Variants in ZNF708 observed in about 807,000 individuals in gnomAD.
ZNF708 encodes the protein zinc finger protein 708, also known as ZNF15, ZNF15L1.
In ZNF708, 44 loss-of-function variants were observed where a neutral mutation model predicts 47.0. That is an observed-to-expected ratio of 0.94 (90% CI 0.74 to 1.20). The LOEUF is 1.20. ZNF708 is among the 50% of genes most tolerant of loss of function. ZNF708 has a pLI of 0.00. For missense variants in ZNF708, 557 were observed against 656.0 expected, an observed-to-expected ratio of 0.85 and a Z score of 1.65; for synonymous variants, 184 against 218.5, an observed-to-expected ratio of 0.84 and a Z score of 1.39.
intron 1 of ZNF708, among the ~76,000 whole-genome samples, chr19:21,313,691 G>C (rs1028718479): frequency 6.6e-6 from 1 of 151,350 alleles, no homozygotes; most frequent in African/African-American, 2.4e-5. Context: ...CCGGGAGGTG[G>C]AGGTTGCAGT....
At chr19:21,306,475 AG>A (rs2145163557) in intron 3 of ZNF708, among the ~76,000 whole-genome samples, 1 of 152,136 alleles carries the variant, frequency 6.6e-6, no homozygotes, top group African/African-American at 2.4e-5. Context: ...TGAAAAGAAA[AG>A]CAAAATTAAT....
chr19:21,307,073 A>AATAAAATAAAAT (rs1170213793), intron 3 of ZNF708: 5 of 146,624 alleles, frequency 3.4e-5, no homozygotes, highest in African/African-American at 1.2e-4. Flanking sequence ...TAAAATATAA[A>AATAAAATAAAAT]ATAAAATAAA....
chr19:21,299,788 A>AG (rs1256379736), intron 3 of ZNF708, among the ~76,000 whole-genome samples: 1 of 151,956 alleles, frequency 6.6e-6, no homozygotes, highest in Admixed American at 6.6e-5. Flanking sequence ...AAAAAAAAAA[A>AG]ATTGTTTTTT....
chr19:21,299,568 T>C (rs1482961912), intron 3 of ZNF708, among the ~76,000 whole-genome samples: 1 of 151,878 alleles, frequency 6.6e-6, no homozygotes, highest in Admixed American at 6.6e-5. Context: ...CTGGCCAACA[T>C]GGTGAAACCC....
At chr19:21,311,838 A>G (rs1159500740) in intron 1 of ZNF708, among the ~76,000 whole-genome samples, 1 of 152,192 alleles carries the variant, frequency 6.6e-6, no homozygotes, top group African/African-American at 2.4e-5. Context: ...CTGCTACAGT[A>G]ATAAAAATAT....
chr19:21,303,798 C>A (rs1398375824), intron 3 of ZNF708, among the ~76,000 whole-genome samples: 1 of 151,730 alleles, frequency 6.6e-6, no homozygotes, highest in African/African-American at 2.4e-5. Context: ...TAGTCAAGTA[C>A]TAGCATGAGA....
intron 3 of ZNF708, among the ~76,000 whole-genome samples, chr19:21,298,844 T>C (rs1972596926): frequency 6.6e-6 from 1 of 152,178 alleles, no homozygotes; most frequent in Non-Finnish European, 1.5e-5. Flanking sequence ...ATTTAGTAAA[T>C]ATAATTTGAA....
chr19:21,326,068 T>G (rs963850548), intron 1 of ZNF708, among the ~76,000 whole-genome samples: 2 of 152,182 alleles, frequency 1.3e-5, no homozygotes, highest in African/African-American at 4.8e-5. Flanking sequence ...AAACAGTAGA[T>G]GTTGGCATGG....
Position 21,294,153 on chromosome 19 carries a change from CTTA to C in ZNF708, c.810_812del (p.His270_Lys271delinsGln). ...AGGGTTTCTCTCCAGTATGAACTAT[CTTA>C]TGTTTAGTAAGGTTTGAGGACCGGT... On this transcript the variant is annotated inframe_deletion, in exon 4 of 4. Transcript: ENST00000356929. 1.9e-6 allele frequency: 3 copies of C among 1,612,336 alleles called. No individual in the cohort carries two copies. Among genetic ancestry groups the C allele is most frequent in the Non-Finnish European group, 2.5e-6 (3 of 1,179,564 alleles).
At chr19:21,305,428 T>G (rs559085734) in intron 3 of ZNF708, among the ~76,000 whole-genome samples, 1 of 151,940 alleles carries the variant, frequency 6.6e-6, no homozygotes, top group Non-Finnish European at 1.5e-5. Flanking sequence ...TCACACAGTT[T>G]TTTACAGAAA....
chr19:21,298,581 T>G (rs1397841520), intron 3 of ZNF708, among the ~76,000 whole-genome samples: 2 of 151,160 alleles, frequency 1.3e-5, no homozygotes, highest in African/African-American at 2.4e-5. Flanking sequence ...GAGACTATAC[T>G]CAACAATCTT....
Position 21,293,041 on chromosome 19 carries a change from T to C in ZNF708, c.*233A>G. On this transcript the variant is annotated 3_prime_UTR_variant, in exon 4 of 4. Coordinates refer to ENST00000356929, the MANE Select transcript of ZNF708 (RefSeq NM_021269.3). ...TGTGATGTCTTCCAGCTTTGTAGTT[T>C]CTCTCCAGTTTAAGTTTTTTTATGT... 1 of 507,202 alleles carries C rather than the reference T, an allele frequency of 2.0e-6. No homozygotes were observed. Among genetic ancestry groups the C allele is most frequent in the Non-Finnish European group, 3.4e-6 (1 of 290,870 alleles). The allele number at this position is 507,202 out of a possible 1,614,324, so 31.4% of individuals were successfully genotyped here. A position where few individuals can be genotyped will look rare whatever the true frequency, so the allele number is the denominator to read the frequency against.
At chr19:21,309,218 G>A (rs373139290) in intron 3 of ZNF708, 28 bp downstream of exon 3, 1 of 1,549,214 alleles carries the variant, frequency 6.5e-7, no homozygotes, top group Non-Finnish European at 8.8e-7. Context: ...TCACATCTGT[G>A]TCATCTGTTG....
intron 3 of ZNF708, among the ~76,000 whole-genome samples, chr19:21,297,991 GTA>G (rs1053271850): frequency 2.7e-5 from 4 of 147,260 alleles, no homozygotes; most frequent in African/African-American, 2.5e-5. Context: ...GTGTGTGTGT[GTA>G]TGTGTACAGA....
intron 1 of ZNF708, among the ~76,000 whole-genome samples, chr19:21,328,925 G>A (rs909595477): frequency 5.9e-5 from 9 of 152,298 alleles, no homozygotes; most frequent in African/African-American, 1.7e-4. Flanking sequence ...CATGGTCCCT[G>A]CACAATCTGG....
At chr19:21,299,309 C>T (rs1972606236) in intron 3 of ZNF708, among the ~76,000 whole-genome samples, 1 of 152,092 alleles carries the variant, frequency 6.6e-6, no homozygotes, top group Admixed American at 6.6e-5. Context: ...GGCGAGATTG[C>T]ACCACTGCAC....
At chr19:21,301,202 C>A (rs1972652588) in intron 3 of ZNF708, among the ~76,000 whole-genome samples, 1 of 152,092 alleles carries the variant, frequency 6.6e-6, no homozygotes, top group Non-Finnish European at 1.5e-5. Flanking sequence ...GAGAGCCAGG[C>A]ACGGTGGCTC....
At chr19:21,299,364 CA>C (rs1972607584) in intron 3 of ZNF708, among the ~76,000 whole-genome samples, 1 of 151,288 alleles carries the variant, frequency 6.6e-6, no homozygotes, top group African/African-American at 2.4e-5. Context: ...TACACACACA[CA>C]AAAAAACAGA....
In ZNF708 at chr19:21,293,555, T is replaced by C; in HGVS notation, c.1411A>G (p.Thr471Ala). 1 of 1,613,208 alleles carries C rather than the reference T, an allele frequency of 6.2e-7. No homozygotes were observed. The highest frequency in any genetic ancestry group is 8.5e-7 in the Non-Finnish European group (1 of 1,179,756). The change falls in exon 4 of 4, where the codon ACT becomes GCT. Residue 471 changes from threonine to alanine, a missense_variant. By Grantham distance (58) the Thr-to-Ala change is moderately conservative. Coordinates refer to ENST00000356929, the MANE Select transcript of ZNF708 (RefSeq NM_021269.3). The stretch of plus-strand genomic sequence containing the variant: ...TCACACTTATAGGGTTTCTCTCCAG[T>C]ATGAATTTTTTTATGATTAGTAAAA... ...SNFTNHKKIH[T>A]GEKPYKCEEC...
Sources: gnomAD v4.1 joint callset for allele counts (sites outside exome capture counted in the v4.1 genomes callset) on GRCh38, gnomAD v4.1.1 for gene constraint, MANE v1.5 for transcripts, NCBI Gene and HGNC (gene_info 2026-07-23, HGNC 2026-07-21) for gene names.